Variants in HHAT observed in about 807,000 individuals in gnomAD.
HHAT encodes protein-cysteine N-palmitoyltransferase HHAT.
HHAT carries 47 observed loss-of-function variants against 70.8 expected under a neutral mutation model. That is an observed-to-expected ratio of 0.66 (90% CI 0.53 to 0.85). The LOEUF (loss-of-function observed/expected upper bound fraction) is 0.85. Ranked by LOEUF, HHAT falls within the 40% of genes least tolerant of loss-of-function variation. The pLI is 0.00. For synonymous variants in HHAT, 228 were observed against 247.6 expected, an observed-to-expected ratio of 0.92 and a Z score of 0.74; for missense variants, 609 against 604.8, an observed-to-expected ratio of 1.01 and a Z score of -0.07.
chr1:210,603,877 A>T (rs1244329332), intron 10 of HHAT, among the ~76,000 whole-genome samples: 1 of 152,134 alleles, frequency 6.6e-6, no homozygotes, highest in Non-Finnish European at 1.5e-5. Context: ...TATACTTGTG[A>T]TTACTGACAT....
At chr1:210,617,804 G>A (rs955182669) in intron 10 of HHAT, among the ~76,000 whole-genome samples, 3 of 152,172 alleles carry the variant, frequency 2.0e-5, no homozygotes, top group African/African-American at 2.4e-5. Flanking sequence ...CACAGAGTTC[G>A]GAAAATATAA....
chr1:210,366,934 C>T (rs559191594), intron 3 of HHAT, among the ~76,000 whole-genome samples: 7 of 152,314 alleles, frequency 4.6e-5, no homozygotes, highest in African/African-American at 1.7e-4. Flanking sequence ...CTGACACTTC[C>T]CTGCCTCTCT....
At chr1:210,656,412 C>T (rs1676429905) in intron 11 of HHAT, among the ~76,000 whole-genome samples, 1 of 152,152 alleles carries the variant, frequency 6.6e-6, no homozygotes, top group South Asian at 2.1e-4. Flanking sequence ...CATACCCCCC[C>T]CGTCCCCCTG....
intron 1 of HHAT, among the ~76,000 whole-genome samples, chr1:210,330,288 G>C (rs2084876594): frequency 6.6e-6 from 1 of 152,176 alleles, no homozygotes; most frequent in East Asian, 1.9e-4. Context: ...TGACCTGAGA[G>C]ATTCAATTAA....
At chr1:210,490,456 T>G (rs1006264002) in intron 8 of HHAT, among the ~76,000 whole-genome samples, 6 of 152,152 alleles carry the variant, frequency 3.9e-5, no homozygotes, top group Non-Finnish European at 8.8e-5. Flanking sequence ...TACTTAGACT[T>G]GGTTCCTGGG....
chr1:210,579,856 T>C (rs1658812539), intron 9 of HHAT, among the ~76,000 whole-genome samples: 1 of 152,122 alleles, frequency 6.6e-6, no homozygotes, highest in Non-Finnish European at 1.5e-5. Flanking sequence ...GAAGCCAGAG[T>C]TTGGGTTTTG....
At chr1:210,589,710 C>A (rs1661241870) in intron 10 of HHAT, 1 of 152,228 alleles carries the variant, frequency 6.6e-6, no homozygotes. Flanking sequence ...AGTAACCCAA[C>A]TGTGCCATGT....
rs894815166 is a variant in HHAT at position 210,359,039 on chromosome 1, A to G, written c.92-3813A>G. ...CATCAGCAGAAATTGCTTCATTTCTATGCTCTCAGGCAGTTTTGTGGAGCA... is the reference window on the plus strand; with the variant it reads ...CATCAGCAGAAATTGCTTCATTTCTGTGCTCTCAGGCAGTTTTGTGGAGCA... On this transcript the variant is annotated intron_variant, in intron 2 of 11. Coordinates refer to ENST00000261458, the MANE Select transcript of HHAT (RefSeq NM_018194.6). Among the ~76,000 whole-genome samples the G allele has an allele frequency of 4.6e-5, 7 of 152,212 alleles. No individual in the cohort carries two copies. In the South Asian group the frequency reaches 1.0e-3, roughly 22 times the overall value.
At chr1:210,371,008 G>T (rs562132121) in intron 3 of HHAT, among the ~76,000 whole-genome samples, 1 of 152,024 alleles carries the variant, frequency 6.6e-6, no homozygotes, top group Non-Finnish European at 1.5e-5. Flanking sequence ...CTACCTGTCC[G>T]CAAATTTACA....
chr1:210,366,328 G>A (rs1172365403), intron 3 of HHAT, among the ~76,000 whole-genome samples: 6 of 152,226 alleles, frequency 3.9e-5, no homozygotes, highest in South Asian at 4.2e-4. Context: ...CCTGCCCTAA[G>A]CCTTAACAAT....
intron 10 of HHAT, among the ~76,000 whole-genome samples, chr1:210,619,819 G>A (rs542833138): frequency 2.0e-5 from 3 of 152,142 alleles, no homozygotes; most frequent in Non-Finnish European, 2.9e-5. Flanking sequence ...AGAAGAGACC[G>A]GGACCAGACC....
At chr1:210,381,271 T>TA (rs200179624) in intron 3 of HHAT, among the ~76,000 whole-genome samples, 1 of 152,212 alleles carries the variant, frequency 6.6e-6, no homozygotes, top group Middle Eastern at 3.4e-3. Context: ...GTGGGTCATT[T>TA]AAAAAAATTT....
chr1:210,425,424 T>C (rs1452340617), intron 7 of HHAT, among the ~76,000 whole-genome samples: 1 of 152,230 alleles, frequency 6.6e-6, no homozygotes, highest in East Asian at 1.9e-4. Context: ...TCCATGCCTG[T>C]GTCCCAAATG....
chr1:210,463,563 G>T (rs1368826258), intron 7 of HHAT, among the ~76,000 whole-genome samples: 1 of 152,148 alleles, frequency 6.6e-6, no homozygotes, highest in Non-Finnish European at 1.5e-5. Context: ...ATGTTTAGGT[G>T]GTCTCCTCTT....
At chr1:210,563,402 A>AG (rs2095641595) in intron 9 of HHAT, among the ~76,000 whole-genome samples, 2 of 152,168 alleles carry the variant, frequency 1.3e-5, no homozygotes, top group South Asian at 4.1e-4. Context: ...TTCCAGAAGG[A>AG]GCCTAAAGGT....
At chr1:210,579,723 T>A (rs1204595445) in intron 9 of HHAT, among the ~76,000 whole-genome samples, 3 of 152,204 alleles carry the variant, frequency 2.0e-5, no homozygotes, top group Non-Finnish European at 4.4e-5. Flanking sequence ...AGCACTGCGC[T>A]CTTTCTTGTC....
intron 7 of HHAT, among the ~76,000 whole-genome samples, chr1:210,426,555 A>T (rs2093067965): frequency 6.6e-6 from 1 of 152,178 alleles, no homozygotes; most frequent in African/African-American, 2.4e-5. Context: ...CCATGAATGG[A>T]TGCTGTATTT....
intron 11 of HHAT, among the ~76,000 whole-genome samples, chr1:210,655,866 G>C (rs985101784): frequency 1.5e-4 from 23 of 152,050 alleles, no homozygotes; most frequent in Non-Finnish European, 2.4e-4. Flanking sequence ...TGACTTTCTG[G>C]GGGGAGGTAA....
chr1:210,367,250 G>A (rs1169968472), intron 3 of HHAT, among the ~76,000 whole-genome samples: 1 of 152,244 alleles, frequency 6.6e-6, no homozygotes, highest in Non-Finnish European at 1.5e-5. Context: ...TCCCACAAAA[G>A]CAGGGCTGGG....
Sources: allele counts gnomAD v4.1 joint callset (sites outside exome capture counted in the v4.1 genomes callset), GRCh38; gene constraint gnomAD v4.1.1; transcripts MANE v1.5; gene names NCBI Gene and HGNC (gene_info 2026-07-23, HGNC 2026-07-21).